Variants in POFUT2 observed in about 807,000 individuals in gnomAD.
POFUT2 encodes the protein protein O-fucosyltransferase 2, also known as GDP-fucose protein O-fucosyltransferase 2.
Under a neutral mutation model 55.0 loss-of-function variants are expected in POFUT2, and 30 were observed. That is an observed-to-expected ratio of 0.55 (90% CI 0.41 to 0.74). The LOEUF (loss-of-function observed/expected upper bound fraction) is 0.74, where lower values mean the gene tolerates loss of function less well. Ranked by LOEUF, POFUT2 falls within the 30% of genes least tolerant of loss-of-function variation. The probability of loss-of-function intolerance (pLI) is 0.00; values close to 1 mark genes in which losing one functional copy is unlikely to be tolerated. For missense variants in POFUT2, 524 were observed against 562.6 expected (o/e 0.93, Z 0.69); for synonymous variants, 267 against 231.1 (o/e 1.16, Z -1.41).
rs769369256 is a variant in POFUT2, at chr21:45,282,207, CCCCCCAGGG to C, written c.638+133_638+141del. 5.4e-5 allele frequency: 34 copies of C among 630,404 alleles called. No individual in the cohort carries two copies. Among genetic ancestry groups the C allele is most frequent in the Non-Finnish European group, 8.4e-5 (30 of 357,866 alleles). The allele number at this position is 630,404 out of a possible 1,614,324, so 39.1% of individuals were successfully genotyped here. A position where few individuals can be genotyped will look rare whatever the true frequency, so the allele number is the denominator to read the frequency against. On this transcript the variant is annotated intron_variant, in intron 4 of 8. Transcript: ENST00000349485. The surrounding 1 kb of genome is among the most constrained non-coding windows in gnomAD (Gnocchi z 4.6). ...CATGCAAGCACTTCCCTAACCACCA[CCCCCCAGGG>C]CCCCCAGGGTCCGCTGTCTGTGAGG...
Position 45,285,899 on chromosome 21 carries a change from T to C in POFUT2, c.161A>G (p.Glu54Gly). Reference protein sequence around the residue: ...RYLLYDVNPPEGFNLRRDVYI... With the variant: ...RYLLYDVNPPGGFNLRRDVYI... Reference sequence around the variant, plus strand: ...GACATCCCTGCGCAGGTTGAAGCCTTCCGGGGGGTTGACGTCATACAGAAG... The same window carrying C: ...GACATCCCTGCGCAGGTTGAAGCCTCCCGGGGGGTTGACGTCATACAGAAG... Residue 54 changes from glutamate to glycine, a missense_variant, in exon 2 of 9, where the codon GAA becomes GGA. By Grantham distance (98) the Glu-to-Gly change is moderately conservative. Transcript: ENST00000349485. This position sits in a 1 kb window ranked among gnomAD's most constrained non-coding sequence, Gnocchi z 4.9. 3.7e-6 allele frequency: 6 copies of C among 1,611,010 alleles called. No homozygotes were observed. Among genetic ancestry groups the C allele is most frequent in the Non-Finnish European group, 5.1e-6 (6 of 1,178,868 alleles).
chr21:45,269,377 C>T (rs2093196389), intron 7 of POFUT2, among the ~76,000 whole-genome samples: 1 of 151,980 alleles, frequency 6.6e-6, no homozygotes, highest in Admixed American at 6.5e-5. Context: ...ATTGAGAAAT[C>T]GGATGGTTGC....
rs557308834 is a variant in POFUT2 at position 45,277,890 on chromosome 21, C to G, written c.705+213G>C. ...GGGCCTGTGGCATCAGAGGGGAGAG[C>G]TGGGTGGCCCTGCGGGCTCCCGAGG... On this transcript the variant is annotated intron_variant, in intron 5 of 8. Transcript: ENST00000349485. The surrounding 1 kb of genome is among the most constrained non-coding windows in gnomAD (Gnocchi z 6.9). 8.2e-4 allele frequency: 493 copies of G among 600,076 alleles called. No homozygotes were observed. Among genetic ancestry groups the G allele is most frequent in the Middle Eastern group, 5.9e-3 (13 of 2,196 alleles). The allele number at this position is 600,076 out of a possible 1,614,324, so 37.2% of individuals were successfully genotyped here.
rs764605221 is a variant in POFUT2, at chr21:45,283,430, C to T, written c.480G>A (p.Pro160=). 40 of 1,613,314 alleles carry T rather than the reference C, an allele frequency of 2.5e-5. No individual in the cohort carries two copies. Among genetic ancestry groups the T allele is most frequent in the East Asian group, 6.7e-5 (3 of 44,870 alleles). Residue 160 remains proline (P), a synonymous_variant, in exon 3 of 9, where the codon CCG becomes CCA. Transcript: ENST00000349485. ...GGGAGTACAGGAGCTGATCAATACACGGCCGCTCGTCCACCTTCTCTTCCC... is the reference window on the plus strand; with the variant it reads ...GGGAGTACAGGAGCTGATCAATACATGGCCGCTCGTCCACCTTCTCTTCCC... ...GTWEEKVDER[P]CIDQLLYSQD... is the part of the protein sequence containing the mutation.
At chr21:45,268,846 G>C (rs1308337870) in intron 7 of POFUT2, among the ~76,000 whole-genome samples, 3 of 107,704 alleles carry the variant, frequency 2.8e-5, no homozygotes, top group Admixed American at 1.7e-4. Context: ...CAGCCGCCCC[G>C]TCCGGGAGGG....
Position 45,265,405 on chromosome 21 carries a change from G to C in POFUT2, c.*77C>G. On this transcript the variant is annotated 3_prime_UTR_variant, in exon 9 of 9. Coordinates refer to ENST00000349485, the MANE Select transcript of POFUT2 (RefSeq NM_133635.6). This position sits in a 1 kb window ranked among gnomAD's most constrained non-coding sequence, Gnocchi z 4.6. ...TCCGCCCAGCTCCCGGCTGGCAGTA[G>C]ACGGTGACTCCACGGCGACAGAACC... 7.3e-7 allele frequency: 1 copy of C among 1,362,010 alleles called. No homozygotes were observed. Among genetic ancestry groups the C allele is most frequent in the Non-Finnish European group, 1.0e-6 (1 of 986,456 alleles). The allele number at this position is 1,362,010 out of a possible 1,614,324, so 84.4% of individuals were successfully genotyped here. A position where few individuals can be genotyped will look rare whatever the true frequency, so the allele number is the denominator to read the frequency against.
chr21:45,265,906 C>T lies in POFUT2; in HGVS notation c.1137-271G>A, dbSNP rs1285533710. 1.5e-6 allele frequency: 2 copies of T among 1,314,352 alleles called. No individual in the cohort carries two copies. The highest frequency in any genetic ancestry group is 2.0e-6 in the Non-Finnish European group (2 of 1,022,176). The allele number at this position is 1,314,352 out of a possible 1,614,324, so 81.4% of individuals were successfully genotyped here. A position where few individuals can be genotyped will look rare whatever the true frequency, so the allele number is the denominator to read the frequency against. On this transcript the variant is annotated intron_variant, in intron 8 of 8. Coordinates refer to ENST00000349485, the MANE Select transcript of POFUT2 (RefSeq NM_133635.6). The surrounding 1 kb of genome is among the most constrained non-coding windows in gnomAD (Gnocchi z 4.6). The stretch of plus-strand genomic sequence containing the variant: ...CAGCAGCCGCCACGCTCCTGTCCCA[C>T]CGCATGTCCCCCTGGGAGCCCTCCT...
At chr21:45,266,239 A>T (rs1424845473) in intron 8 of POFUT2, 2 of 1,367,606 alleles carry the variant, frequency 1.5e-6, no homozygotes, top group South Asian at 1.1e-5. Context: ...TTCGTGAACA[A>T]GCAAACCCCA....
chr21:45,267,759 A>T lies in POFUT2; in HGVS notation c.1013-46T>A. On this transcript the variant is annotated intron_variant, in intron 7 of 8. Coordinates refer to ENST00000349485, the MANE Select transcript of POFUT2 (RefSeq NM_133635.6). The surrounding 1 kb of genome is among the most constrained non-coding windows in gnomAD (Gnocchi z 4.4). ...CCCTTTGAACCGGGATCCTCCAGTAAGGACAGATACGTGACTCTTTAGCAG... is the reference window on the plus strand; with the variant it reads ...CCCTTTGAACCGGGATCCTCCAGTATGGACAGATACGTGACTCTTTAGCAG... 6.4e-7 allele frequency: 1 copy of T among 1,555,090 alleles called. No individual in the cohort carries two copies.
Position 45,268,875 on chromosome 21 carries a change from CCCGGG to C in POFUT2, c.1012+959_1012+963del, listed in dbSNP as rs1377226672. Among the ~76,000 whole-genome samples, 549 of 97,696 alleles carry C rather than the reference CCCGGG, an allele frequency of 5.6e-3. 16 individuals carry two copies. The highest frequency in any genetic ancestry group is 0.02 in the African/African-American group (516 of 25,250). 64.1% of individuals were successfully genotyped at this position (97,696 alleles called of 152,430 possible). A position where few individuals can be genotyped will look rare whatever the true frequency, so the allele number is the denominator to read the frequency against. ...GGGAGGGAGGTGGGGGGGTCAGCAC[CCCGGG>C]CGGCCAGCCGCCCCGTCCGGGAGGG... On this transcript the variant is annotated intron_variant, in intron 7 of 8. Coordinates refer to ENST00000349485, the MANE Select transcript of POFUT2 (RefSeq NM_133635.6).
Position 45,265,967 on chromosome 21 carries a change from C to T in POFUT2, c.1137-332G>A. ...AAATCCCAGGCCAGGCACGCCAGTG[C>T]AGGTCGAATACCTCCTGGGGGTCAC... On this transcript the variant is annotated intron_variant, in intron 8 of 8. Coordinates refer to ENST00000349485, the MANE Select transcript of POFUT2 (RefSeq NM_133635.6). The surrounding 1 kb of genome is among the most constrained non-coding windows in gnomAD (Gnocchi z 4.6). 7 of 1,239,334 alleles carry T rather than the reference C, an allele frequency of 5.6e-6. No homozygotes were observed. Among genetic ancestry groups the T allele is most frequent in the Non-Finnish European group, 7.2e-6 (7 of 973,310 alleles). The allele number at this position is 1,239,334 out of a possible 1,614,324, so 76.8% of individuals were successfully genotyped here. A position where few individuals can be genotyped will look rare whatever the true frequency, so the allele number is the denominator to read the frequency against.
chr21:45,277,455 C>T lies in POFUT2; in HGVS notation c.706-313G>A. The T allele has an allele frequency of 2.7e-6, 1 of 373,072 alleles. No homozygotes were observed. The highest frequency in any genetic ancestry group is 5.0e-6 in the Non-Finnish European group (1 of 199,258). The allele number at this position is 373,072 out of a possible 1,614,324, so 23.1% of individuals were successfully genotyped here. ...GGCACAACTGTGTGCAGCTCCTTCC[C>T]CTCAGTCTCTCCCCAACTCGACTTC... On this transcript the variant is annotated intron_variant, in intron 5 of 8. Transcript: ENST00000349485. This position sits in a 1 kb window ranked among gnomAD's most constrained non-coding sequence, Gnocchi z 6.9.
At chr21:45,279,210 T>A (rs1261336393) in intron 4 of POFUT2, among the ~76,000 whole-genome samples, 1 of 151,734 alleles carries the variant, frequency 6.6e-6, no homozygotes, top group East Asian at 1.9e-4. Context: ...GCTAAGACGG[T>A]GAAACCCCGT....
Position 45,281,254 on chromosome 21 carries a change from A to G in POFUT2, c.638+1095T>C, listed in dbSNP as rs2030604658. On this transcript the variant is annotated intron_variant, in intron 4 of 8. Coordinates refer to ENST00000349485, the MANE Select transcript of POFUT2 (RefSeq NM_133635.6). This position sits in a 1 kb window ranked among gnomAD's most constrained non-coding sequence, Gnocchi z 5.0. Reference sequence around the variant, plus strand: ...AGCTCCATTCTAACCTGTAAATGTGAGTCAAAAAAACTGACTGGCAAGACT... The same window carrying G: ...AGCTCCATTCTAACCTGTAAATGTGGGTCAAAAAAACTGACTGGCAAGACT... 6.6e-6 allele frequency among the ~76,000 whole-genome samples: 1 copy of G among 152,228 alleles called. No homozygotes were observed. Among genetic ancestry groups the G allele is most frequent in the Non-Finnish European group, 1.5e-5 (1 of 68,036 alleles).
Position 45,282,689 on chromosome 21 carries a change from TGGCG to T in POFUT2, c.528-234_528-231del. ...CTGAGGCTTTCCCCATGATAGGGGCTGGCGGGATGGCCGGGGAGGCAGAGGGAGC... is the reference window on the plus strand; with the variant it reads ...CTGAGGCTTTCCCCATGATAGGGGCTGGATGGCCGGGGAGGCAGAGGGAGC... On this transcript the variant is annotated intron_variant, in intron 3 of 8. Coordinates refer to ENST00000349485, the MANE Select transcript of POFUT2 (RefSeq NM_133635.6). The surrounding 1 kb of genome is among the most constrained non-coding windows in gnomAD (Gnocchi z 4.6). 1.8e-6 allele frequency: 1 copy of T among 566,650 alleles called. No homozygotes were observed. The highest frequency in any genetic ancestry group is 3.3e-6 in the Non-Finnish European group (1 of 306,646). 35.1% of individuals were successfully genotyped at this position (566,650 alleles called of 1,614,324 possible). A position where few individuals can be genotyped will look rare whatever the true frequency, so the allele number is the denominator to read the frequency against.
At position 45,270,981 on chromosome 21, in the gene POFUT2, C is replaced by T. The variant is rs548043028; in HGVS notation, c.832-962G>A. Among the ~76,000 whole-genome samples, 89 of 152,258 alleles carry T rather than the reference C, an allele frequency of 5.8e-4. No individual in the cohort carries two copies. Among genetic ancestry groups the T allele is most frequent in the African/African-American group, 2.1e-3 (88 of 41,546 alleles). ...AAGCAATTGTGATAATATGACAAAACAAGGTTCTATAGTACCCCCAAAAGA... is the reference window on the plus strand; with the variant it reads ...AAGCAATTGTGATAATATGACAAAATAAGGTTCTATAGTACCCCCAAAAGA... On this transcript the variant is annotated intron_variant, in intron 6 of 8. Transcript: ENST00000349485. This position sits in a 1 kb window ranked among gnomAD's most constrained non-coding sequence, Gnocchi z 4.6.
At chr21:45,274,557 A>C (rs1165224013) in intron 6 of POFUT2, among the ~76,000 whole-genome samples, 1 of 152,262 alleles carries the variant, frequency 6.6e-6, no homozygotes, top group Non-Finnish European at 1.5e-5. Context: ...ACTCAACTTC[A>C]AACTATCCTA....
chr21:45,285,963 T>C lies in POFUT2; in HGVS notation c.132-35A>G. The stretch of plus-strand genomic sequence containing the variant: ...GAGAAGGAGGACCACAGGTCTCAAA[T>C]GCTGAGGTTTCTGCACGGAAAACCC... On this transcript the variant is annotated intron_variant, in intron 1 of 8. Transcript: ENST00000349485. The surrounding 1 kb of genome is among the most constrained non-coding windows in gnomAD (Gnocchi z 4.9). 3 of 1,566,706 alleles carry C rather than the reference T, an allele frequency of 1.9e-6. No individual in the cohort carries two copies. The highest frequency in any genetic ancestry group is 2.6e-6 in the Non-Finnish European group (3 of 1,157,160).
At chr21:45,268,847 T>A (rs2093186833) in intron 7 of POFUT2, among the ~76,000 whole-genome samples, 1 of 118,634 alleles carries the variant, frequency 8.4e-6, no homozygotes, top group Non-Finnish European at 1.7e-5. Context: ...AGCCGCCCCG[T>A]CCGGGAGGGA....
Sources: allele counts gnomAD v4.1 joint callset (sites outside exome capture counted in the v4.1 genomes callset), GRCh38; gene constraint gnomAD v4.1.1; non-coding constraint Gnocchi (gnomAD v3.1); transcripts MANE v1.5; gene names NCBI Gene and HGNC (gene_info 2026-07-23, HGNC 2026-07-21).